POU6F2: variants seen among roughly 807,000 people sequenced by gnomAD.
POU6F2 encodes POU class 6 homeobox 2.
POU6F2 carries 31 observed loss-of-function variants against 71.3 expected under a neutral mutation model. The observed-to-expected ratio is 0.43, with a 90% confidence interval of 0.33 to 0.59. POU6F2 has a LOEUF of 0.59. Among genes scored for constraint, POU6F2 ranks in the 20% least tolerant of loss-of-function variants. POU6F2 has a pLI of 0.04. For missense variants in POU6F2, 783 were observed against 856.8 expected (o/e 0.91, Z 1.07); for synonymous variants, 347 against 355.7 (o/e 0.98, Z 0.27).
At chr7:39,030,859 C>A (rs75166012) in intron 1 of POU6F2, among the ~76,000 whole-genome samples, 25,311 of 149,774 alleles carry the variant, frequency 0.17, 2,511 homozygotes, top group Non-Finnish European at 0.23. Context: ...CTGCCCCCCC[C>A]AAAAAAAAAT....
chr7:39,346,101 TA>T (rs1330524015), intron 5 of POU6F2, among the ~76,000 whole-genome samples: 1 of 152,176 alleles, frequency 6.6e-6, no homozygotes, highest in Non-Finnish European at 1.5e-5. Flanking sequence ...AAATCTCCTT[TA>T]AAAAACTCTC....
intron 4 of POU6F2, among the ~76,000 whole-genome samples, chr7:39,256,050 G>A (rs759855897): frequency 2.6e-5 from 4 of 152,090 alleles, no homozygotes; most frequent in East Asian, 1.9e-4. Flanking sequence ...GGTTACAAGC[G>A]TGAGAATGAT....
At chr7:39,433,819 T>C (rs1383495704) in intron 7 of POU6F2, among the ~76,000 whole-genome samples, 1 of 152,204 alleles carries the variant, frequency 6.6e-6, no homozygotes, top group Non-Finnish European at 1.5e-5. Flanking sequence ...GTGCTAGAGA[T>C]TGGGTCCACA....
chr7:39,317,697 A>T (rs1290308234), intron 4 of POU6F2, among the ~76,000 whole-genome samples: 1 of 152,162 alleles, frequency 6.6e-6, no homozygotes, highest in East Asian at 1.9e-4. Context: ...TTCTAAGCCA[A>T]TAAATGACCC....
At chr7:38,998,907 G>A (rs892148094) in intron 1 of POU6F2, among the ~76,000 whole-genome samples, 11 of 147,634 alleles carry the variant, frequency 7.5e-5, no homozygotes, top group South Asian at 2.1e-4. Context: ...TTCATGATCC[G>A]CCCGCCTCGG....
intron 5 of POU6F2, among the ~76,000 whole-genome samples, chr7:39,378,600 T>G (rs1041131218): frequency 3.9e-5 from 6 of 152,214 alleles, no homozygotes; most frequent in Middle Eastern, 3.2e-3. Flanking sequence ...TGTCACTGAT[T>G]GCTAGTTTCT....
chr7:39,150,100 T>C (rs1030281319), intron 2 of POU6F2, among the ~76,000 whole-genome samples: 8 of 152,164 alleles, frequency 5.3e-5, no homozygotes, highest in Non-Finnish European at 1.2e-4. Context: ...TTAGCCAAGA[T>C]GGTCTCAATC....
At position 39,124,154 on chromosome 7, in the gene POU6F2, C is replaced by A. The variant is rs148251635; in HGVS notation, c.277+38123C>A. Among the ~76,000 whole-genome samples the A allele has an allele frequency of 0.01, 1,511 of 148,474 alleles. 119 individuals are homozygous for A. The East Asian group carries it at 0.22, about 22-fold the overall frequency. On this transcript the variant is annotated intron_variant, in intron 2 of 9. Transcript: ENST00000518318. The stretch of plus-strand genomic sequence containing the variant: ...CTCCACCTCCCGGGTTCAAGTGATT[C>A]TCCTGCCTCAACCTCCCGAGTAGCT...
intron 4 of POU6F2, among the ~76,000 whole-genome samples, chr7:39,277,911 C>T (rs1190110800): frequency 6.6e-6 from 1 of 151,846 alleles, no homozygotes; most frequent in African/African-American, 2.4e-5. Context: ...ACAAAAATTA[C>T]CTGGGTGTGG....
chr7:39,464,246 A>T lies in POU6F2; in HGVS notation c.1723A>T (p.Ser575Cys), dbSNP rs148888580. The change falls in exon 10 of 10, where the codon AGT (serine) becomes TGT (cysteine). Residue 575 changes from serine to cysteine, a missense_variant. Physicochemically the swap from Ser to Cys is moderately radical, Grantham distance 112. Coordinates refer to ENST00000518318, the MANE Select transcript of POU6F2 (RefSeq NM_001370959.1). This position sits in a 1 kb window ranked among gnomAD's most constrained non-coding sequence, Gnocchi z 4.1. Reference sequence around the variant, plus strand: ...AGCCCAAGAGAACACTATAGCTAGCAGTCTGACAGCCAAACTGAACCCTGG... The same window carrying T: ...AGCCCAAGAGAACACTATAGCTAGCTGTCTGACAGCCAAACTGAACCCTGG... ...QEAQENTIAS[S>C]LTAKLNPGLL... 1.8e-5 allele frequency: 29 copies of T among 1,614,038 alleles called. No homozygotes were observed. The highest frequency in any genetic ancestry group is 2.3e-5 in the Non-Finnish European group (27 of 1,179,894).
chr7:39,190,216 A>G (rs1793632907), intron 2 of POU6F2, among the ~76,000 whole-genome samples: 1 of 151,934 alleles, frequency 6.6e-6, no homozygotes, highest in African/African-American at 2.4e-5. Context: ...GTGAATCTAT[A>G]AATCAGAATG....
intron 1 of POU6F2, among the ~76,000 whole-genome samples, chr7:39,069,216 C>A (rs530323354): frequency 6.6e-6 from 1 of 152,304 alleles, no homozygotes; most frequent in Admixed American, 6.5e-5. Context: ...TTAGAAGCAG[C>A]GGTCCCTAAA....
intron 1 of POU6F2, among the ~76,000 whole-genome samples, chr7:39,016,015 T>TATATATAATATATTG (rs1789521168): frequency 3.5e-5 from 1 of 28,324 alleles, no homozygotes; most frequent in African/African-American, 1.7e-4. Context: ...TATTATATAT[T>TATATATAATATATTG]ATATATATTA....
chr7:39,283,321 T>A (rs938125731), intron 4 of POU6F2, among the ~76,000 whole-genome samples: 5 of 152,160 alleles, frequency 3.3e-5, no homozygotes, highest in African/African-American at 9.7e-5. Flanking sequence ...ATTTCAGTCG[T>A]ACTAAGTACA....
chr7:39,172,134 A>G (rs1170071507), intron 2 of POU6F2, among the ~76,000 whole-genome samples: 1 of 152,212 alleles, frequency 6.6e-6, no homozygotes, highest in Non-Finnish European at 1.5e-5. Flanking sequence ...AGTCATTACT[A>G]ATATTTGATG....
At chr7:39,182,722 C>A (rs959592464) in intron 2 of POU6F2, among the ~76,000 whole-genome samples, 5 of 152,068 alleles carry the variant, frequency 3.3e-5, no homozygotes, top group African/African-American at 4.8e-5. Flanking sequence ...AGAATTGCAT[C>A]CTTAAGTCAT....
At chr7:39,003,504 G>A (rs1311796394) in intron 1 of POU6F2, among the ~76,000 whole-genome samples, 4 of 151,072 alleles carry the variant, frequency 2.6e-5, no homozygotes, top group Non-Finnish European at 5.9e-5. Flanking sequence ...ACTTTGGGAC[G>A]CTGAGGCAGG....
chr7:39,258,895 T>G (rs568281788), intron 4 of POU6F2, among the ~76,000 whole-genome samples: 41 of 152,282 alleles, frequency 2.7e-4, no homozygotes, highest in African/African-American at 7.9e-4. Flanking sequence ...GCAGGCCATT[T>G]GTAACTGTTA....
At chr7:39,137,012 CAAAAAAAAAAA>C (rs11344179) in intron 2 of POU6F2, among the ~76,000 whole-genome samples, 1 of 82,232 alleles carries the variant, frequency 1.2e-5, no homozygotes, top group Non-Finnish European at 2.3e-5. Context: ...GAGACCCTGT[CAAAAAAAAAAA>C]AAAAAAAAAA....
Sources: allele counts gnomAD v4.1 joint callset (sites outside exome capture counted in the v4.1 genomes callset), GRCh38; gene constraint gnomAD v4.1.1; non-coding constraint Gnocchi (gnomAD v3.1); transcripts MANE v1.5; gene names NCBI Gene and HGNC (gene_info 2026-07-23, HGNC 2026-07-21).